Variants in PCDHB10 observed in about 807,000 individuals in gnomAD.
The protein encoded by PCDHB10 is protocadherin beta-10.
For synonymous variants in PCDHB10, 448 were observed against 449.2 expected (o/e 1.00, Z 0.04); for missense variants, 1,046 against 1,004.7 (o/e 1.04, Z -0.56).
Position 141,193,140 on chromosome 5 carries a change from G to A in PCDHB10, c.588G>A (p.Leu196=), listed in dbSNP as rs782211792. ...GCATGATATATCCAGAGCTAGTGTT[G>A]GACAAAGCACTGGATCGGGAGGAGC... ...DEGMIYPELV[L]DKALDREEQG... Residue 196 remains leucine, a synonymous_variant, in exon 1 of 1, where the codon TTG becomes TTA. Transcript: ENST00000239446. The A allele has an allele frequency of 7.7e-5, 124 of 1,613,964 alleles. No individual in the cohort carries two copies. The highest frequency in any genetic ancestry group is 9.2e-5 in the Non-Finnish European group (109 of 1,180,034).
At position 141,194,197 on chromosome 5, in the gene PCDHB10, G is replaced by A. The variant is rs781842016; in HGVS notation, c.1645G>A (p.Val549Met). Residue 549 changes from valine (V) to methionine (M), a missense_variant, in exon 1 of 1, where the codon GTG (valine) becomes ATG (methionine). Val to Met is a conservative substitution (Grantham distance 21). Coordinates refer to ENST00000239446, the MANE Select transcript of PCDHB10 (RefSeq NM_018930.4). ...GCTGAGCAGAGAGGCGCTGGTGCGC[G>A]TGCTGGTGCTGGACGCCAACGACAA... ...PALSREALVR[V>M]LVLDANDNSP... 89 of 1,602,984 alleles carry A rather than the reference G, an allele frequency of 5.6e-5. No individual in the cohort carries two copies. The highest frequency in any genetic ancestry group is 6.1e-5 in the Non-Finnish European group (72 of 1,177,756).
At position 141,194,804 on chromosome 5, in the gene PCDHB10, AC is replaced by A. The variant is rs781843612; in HGVS notation, c.2254del (p.Gln752SerfsTer6). On this transcript the variant is annotated frameshift_variant, in exon 1 of 1. Coordinates refer to ENST00000239446, the MANE Select transcript of PCDHB10 (RefSeq NM_018930.4). LOFTEE classifies it low-confidence loss of function (END_TRUNC). ...GGCGCTGAGACCCTGTCCCAGAGCT[AC>A]CAGTATGAGGTGTGTCTGACGGGAG... ...VRGAETLSQS[Y>X]QYEVCLTGGP... is the part of the protein sequence containing the mutation. 1 of 1,614,008 alleles carries A rather than the reference AC, an allele frequency of 6.2e-7. No individual in the cohort carries two copies. The highest frequency in any genetic ancestry group is 2.2e-5 in the East Asian group (1 of 44,828).
In PCDHB10 at chr5:141,194,544, C is replaced by T. The variant is rs1205116779; in HGVS notation, c.1992C>T (p.Asp664=). 2 of 1,578,992 alleles carry T rather than the reference C, an allele frequency of 1.3e-6. No homozygotes were observed. The highest frequency in any genetic ancestry group is 1.7e-6 in the Non-Finnish European group (2 of 1,166,176). Residue 664 remains aspartate (D), a synonymous_variant, in exon 1 of 1, where the codon GAC becomes GAT. Coordinates refer to ENST00000239446, the MANE Select transcript of PCDHB10 (RefSeq NM_018930.4). Reference sequence around the variant, plus strand: ...CCACGCTGCACTTGCTCCTGGTGGACGGCTTCTCCCAGCCCTACCTGCCTC... The same window carrying T: ...CCACGCTGCACTTGCTCCTGGTGGATGGCTTCTCCCAGCCCTACCTGCCTC... ...ATATLHLLLV[D]GFSQPYLPLP...
At position 141,193,227 on chromosome 5, in the gene PCDHB10, C is replaced by A. The variant is rs1296849643; in HGVS notation, c.675C>A (p.Thr225=). 6.2e-7 allele frequency: 1 copy of A among 1,614,108 alleles called. No individual in the cohort carries two copies. Among genetic ancestry groups the A allele is most frequent in the Non-Finnish European group, 8.5e-7 (1 of 1,180,034 alleles). ...GTGGGTCTCCATCCAGGTCTGGGAC[C>A]TCTACTGTACGCATCGTTGTCTTGG... The part of the protein sequence containing the change: ...LDGGSPSRSG[T]STVRIVVLDV... The change falls in exon 1 of 1, where the codon ACC becomes ACA. Residue 225 remains threonine (T), a synonymous_variant. Transcript: ENST00000239446.
In PCDHB10 at chr5:141,194,404, T is replaced by C. The variant is rs1554284398; in HGVS notation, c.1852T>C (p.Trp618Arg). 2 of 1,602,976 alleles carry C rather than the reference T, an allele frequency of 1.2e-6. No individual in the cohort carries two copies. Among genetic ancestry groups the C allele is most frequent in the Admixed American group, 3.3e-5 (2 of 59,874 alleles). The stretch of plus-strand genomic sequence containing the variant: ...CACGGAGCCCGGGCTGTTCGGTGTG[T>C]GGGCGCACAATGGGGAGGTGCGCAC... ...KATEPGLFGVWAHNGEVRTAR... is the reference protein window; with the variant it reads ...KATEPGLFGVRAHNGEVRTAR... Residue 618 changes from tryptophan to arginine, a missense_variant, in exon 1 of 1, where the codon TGG (tryptophan) becomes CGG (arginine). Physicochemically the swap from Trp to Arg is moderately radical, Grantham distance 101. Transcript: ENST00000239446.
chr5:141,193,729 C>T lies in PCDHB10; in HGVS notation c.1177C>T (p.Leu393=). 6.2e-7 allele frequency: 1 copy of T among 1,614,186 alleles called. No homozygotes were observed. The highest frequency in any genetic ancestry group is 8.5e-7 in the Non-Finnish European group (1 of 1,180,042). The change falls in exon 1 of 1, where the codon CTA becomes TTA. Residue 393 remains leucine, a synonymous_variant. Coordinates refer to ENST00000239446, the MANE Select transcript of PCDHB10 (RefSeq NM_018930.4). Reference sequence around the variant, plus strand: ...CATTCAAGAGAATCTGCCATTCCTACTAAAACCTTCTGTGGAGAATTTTTA... The same window carrying T: ...CATTCAAGAGAATCTGCCATTCCTATTAAAACCTTCTGTGGAGAATTTTTA... The part of the protein sequence containing the change: ...CYIQENLPFL[L]KPSVENFYIL...
In PCDHB10 at chr5:141,194,557, C is replaced by G. The variant is rs1754005804; in HGVS notation, c.2005C>G (p.Pro669Ala). Residue 669 changes from proline to alanine, a missense_variant, in exon 1 of 1, where the codon CCC becomes GCC. Coordinates refer to ENST00000239446, the MANE Select transcript of PCDHB10 (RefSeq NM_018930.4). ...GCTCCTGGTGGACGGCTTCTCCCAG[C>G]CCTACCTGCCTCTCCCGGAGGCGGC... ...HLLLVDGFSQPYLPLPEAAPA... is the reference protein window; with the variant it reads ...HLLLVDGFSQAYLPLPEAAPA... 6.3e-7 allele frequency: 1 copy of G among 1,576,664 alleles called. No individual in the cohort carries two copies. Among genetic ancestry groups the G allele is most frequent in the Admixed American group, 1.8e-5 (1 of 56,554 alleles).
rs782337855 is a variant in PCDHB10, at chr5:141,194,425, C to G, written c.1873C>G (p.Arg625Gly). The G allele has an allele frequency of 5.6e-6, 9 of 1,603,346 alleles. No individual in the cohort carries two copies. The highest frequency in any genetic ancestry group is 3.3e-5 in the South Asian group (3 of 90,910). Residue 625 changes from arginine (R) to glycine (G), a missense_variant, in exon 1 of 1, where the codon CGC becomes GGC. Coordinates refer to ENST00000239446, the MANE Select transcript of PCDHB10 (RefSeq NM_018930.4). ...TGTGTGGGCGCACAATGGGGAGGTG[C>G]GCACCGCCAGGCTGCTGAGCGAGCG... is the stretch of plus-strand genomic sequence containing the variant. ...FGVWAHNGEV[R>G]TARLLSERDA...
rs1245816624 is a variant in PCDHB10, at chr5:141,195,367, G to A, written c.*412G>A. On this transcript the variant is annotated 3_prime_UTR_variant, in exon 1 of 1. Coordinates refer to ENST00000239446, the MANE Select transcript of PCDHB10 (RefSeq NM_018930.4). ...CTATATATTCGTGTTTGAAAACCATGTCATTTATTTCTACATCATGTATTT... is the reference window on the plus strand; with the variant it reads ...CTATATATTCGTGTTTGAAAACCATATCATTTATTTCTACATCATGTATTT... The A allele has an allele frequency of 1.2e-5, 2 of 169,368 alleles. No homozygotes were observed. Among genetic ancestry groups the A allele is most frequent in the Non-Finnish European group, 2.9e-5 (2 of 69,872 alleles). The allele number at this position is 169,368 out of a possible 1,614,324, so 10.5% of individuals were successfully genotyped here.
rs1754024793 is a variant in PCDHB10 at position 141,195,000 on chromosome 5, T to A, written c.*45T>A. On this transcript the variant is annotated 3_prime_UTR_variant, in exon 1 of 1. Transcript: ENST00000239446. The stretch of plus-strand genomic sequence containing the variant: ...ATACTTTTGGTGTGTTACATAGCCA[T>A]GTTTCTATTAGTTTACTTTTAAATC... The A allele has an allele frequency of 2.6e-6, 4 of 1,514,702 alleles. No homozygotes were observed. The highest frequency in any genetic ancestry group is 1.8e-4 in the Middle Eastern group (1 of 5,584). 93.8% of individuals were successfully genotyped at this position (1,514,702 alleles called of 1,614,324 possible). A position where few individuals can be genotyped will look rare whatever the true frequency, so the allele number is the denominator to read the frequency against.
rs1554284025 is a variant in PCDHB10, at chr5:141,193,298, C to A, written c.746C>A (p.Thr249Asn). The stretch of plus-strand genomic sequence containing the variant: ...CAGTTTGCCCAGGCTCTGTATGAGA[C>A]CCAGGCTCCAGAAAACAGCCCCATT... ...APQFAQALYE[T>N]QAPENSPIGF... The change falls in exon 1 of 1, where the codon ACC becomes AAC. Residue 249 changes from threonine to asparagine, a missense_variant. Transcript: ENST00000239446. 1 of 1,614,064 alleles carries A rather than the reference C, an allele frequency of 6.2e-7. No individual in the cohort carries two copies. The highest frequency in any genetic ancestry group is 1.1e-5 in the South Asian group (1 of 91,076).
In PCDHB10 at chr5:141,194,103, G is replaced by A. The variant is rs1554284279; in HGVS notation, c.1551G>A (p.Arg517=). ...NADNGHLFAL[R]SLDYEALQAF... is the part of the protein sequence containing the mutation. ...ACAACGGCCACCTGTTCGCCCTCAG[G>A]TCGCTGGACTACGAGGCCCTGCAGG... The change falls in exon 1 of 1, where the codon AGG becomes AGA. Residue 517 remains arginine (R), a synonymous_variant. Transcript: ENST00000239446. 1 of 1,605,728 alleles carries A rather than the reference G, an allele frequency of 6.2e-7. No individual in the cohort carries two copies. Among genetic ancestry groups the A allele is most frequent in the Admixed American group, 1.7e-5 (1 of 59,626 alleles).
Position 141,192,543 on chromosome 5 carries a change from T to G in PCDHB10, c.-10T>G, listed in dbSNP as rs782327584. The G allele has an allele frequency of 3.1e-6, 5 of 1,611,430 alleles. No individual in the cohort carries two copies. In the Admixed American group the frequency reaches 8.4e-5, roughly 27 times the overall value. On this transcript the variant is annotated 5_prime_UTR_variant, in exon 1 of 1. An upstream start codon of the reference 5' UTR is lost. Transcript: ENST00000239446. ...CTGTAACCAACTAGGAAATAACGTA[T>G]GCAGCAGCTATGGCTGTCAGAGAGT... is the stretch of plus-strand genomic sequence containing the variant.
chr5:141,195,422 C>T lies in PCDHB10; in HGVS notation c.*467C>T, dbSNP rs191506784. On this transcript the variant is annotated 3_prime_UTR_variant, in exon 1 of 1. Coordinates refer to ENST00000239446, the MANE Select transcript of PCDHB10 (RefSeq NM_018930.4). The stretch of plus-strand genomic sequence containing the variant: ...AGAAATATTTCTCTACTACTATGCT[C>T]ATGACAAAATGAAACAAAGCATATT... The T allele has an allele frequency of 3.1e-3, 512 of 167,788 alleles. 1 individual carries two copies. The highest frequency in any genetic ancestry group is 5.4e-3 in the Non-Finnish European group (372 of 68,606). The allele number at this position is 167,788 out of a possible 1,614,324, so 10.4% of individuals were successfully genotyped here. A position where few individuals can be genotyped will look rare whatever the true frequency, so the allele number is the denominator to read the frequency against.
rs1183939483 is a variant in PCDHB10 at position 141,195,201 on chromosome 5, TTAC to T, written c.*249_*251del. 1.4e-4 allele frequency: 54 copies of T among 388,242 alleles called. No homozygotes were observed. In the Admixed American group the frequency reaches 2.3e-3, roughly 16 times the overall value. 24.0% of individuals were successfully genotyped at this position (388,242 alleles called of 1,614,324 possible). Reference sequence around the variant, plus strand: ...TCTTTCCAACTGCCCAAGGAATTAATTACTATTATATCTCATTACAGAAATCTG... The same window carrying T: ...TCTTTCCAACTGCCCAAGGAATTAATTATTATATCTCATTACAGAAATCTG... On this transcript the variant is annotated 3_prime_UTR_variant, in exon 1 of 1. Coordinates refer to ENST00000239446, the MANE Select transcript of PCDHB10 (RefSeq NM_018930.4).
In PCDHB10 at chr5:141,194,781, C is replaced by A. The variant is rs1554284502; in HGVS notation, c.2229C>A (p.Gly743=). ...PFPGHLVDVR[G]AETLSQSYQY... ...CAGGGCATCTGGTGGACGTGAGGGG[C>A]GCTGAGACCCTGTCCCAGAGCTACC... Residue 743 remains glycine (G), a synonymous_variant, in exon 1 of 1, where the codon GGC becomes GGA. Transcript: ENST00000239446. The A allele has an allele frequency of 4.3e-6, 7 of 1,613,900 alleles. No individual in the cohort carries two copies. Among genetic ancestry groups the A allele is most frequent in the Non-Finnish European group, 5.9e-6 (7 of 1,179,982 alleles).
Position 141,194,448 on chromosome 5 carries a change from G to C in PCDHB10, c.1896G>C (p.Glu632Asp). The C allele has an allele frequency of 6.2e-7, 1 of 1,604,142 alleles. No homozygotes were observed. The highest frequency in any genetic ancestry group is 8.5e-7 in the Non-Finnish European group (1 of 1,179,482). ...GEVRTARLLS[E>D]RDAAKHRLVV... is the part of the protein sequence containing the mutation. ...TGCGCACCGCCAGGCTGCTGAGCGA[G>C]CGCGACGCAGCCAAGCACAGGCTCG... Residue 632 changes from glutamate to aspartate, a missense_variant, in exon 1 of 1, where the codon GAG becomes GAC. Transcript: ENST00000239446.
Position 141,192,702 on chromosome 5 carries a change from G to A in PCDHB10, c.150G>A (p.Lys50=), listed in dbSNP as rs782467028. ...GATCCTTTGTGGTCAATCTGGCAAA[G>A]GATCTGGGACTAGCAGAGGGGGAGC... The part of the protein sequence containing the change: ...EKGSFVVNLA[K]DLGLAEGELA... The change falls in exon 1 of 1, where the codon AAG becomes AAA. Residue 50 remains lysine, a synonymous_variant. Coordinates refer to ENST00000239446, the MANE Select transcript of PCDHB10 (RefSeq NM_018930.4). 1 of 1,613,840 alleles carries A rather than the reference G, an allele frequency of 6.2e-7. No homozygotes were observed. The highest frequency in any genetic ancestry group is 1.3e-5 in the African/African-American group (1 of 74,926).
At position 141,192,678 on chromosome 5, in the gene PCDHB10, A is replaced by G. The variant is rs1554283851; in HGVS notation, c.126A>G (p.Gly42=). 3 of 1,613,730 alleles carry G rather than the reference A, an allele frequency of 1.9e-6. No individual in the cohort carries two copies. Among genetic ancestry groups the G allele is most frequent in the Middle Eastern group, 1.6e-4 (1 of 6,084 alleles). The change falls in exon 1 of 1, where the codon GGA becomes GGG. Residue 42 remains glycine (G), a synonymous_variant. Transcript: ENST00000239446. ...CGGTGACTGAGGAAACAGAGAAAGG[A>G]TCCTTTGTGGTCAATCTGGCAAAGG... is the stretch of plus-strand genomic sequence containing the variant. ...RYSVTEETEK[G]SFVVNLAKDL...
Sources: allele counts gnomAD v4.1 joint callset, GRCh38; gene constraint gnomAD v4.1.1; transcripts MANE v1.5; gene names NCBI Gene and HGNC (gene_info 2026-07-23, HGNC 2026-07-21).